The following COL26A1 variants were observed in gnomAD, a reference collection of about 807,000 sequenced individuals.
The protein encoded by COL26A1 is collagen type XXVI alpha 1 chain.
COL26A1 carries 41 observed loss-of-function variants against 59.3 expected under a neutral mutation model. That is an observed-to-expected ratio of 0.69 (90% CI 0.54 to 0.90). COL26A1 has a LOEUF of 0.90. Among genes scored for constraint, COL26A1 ranks in the 40% least tolerant of loss-of-function variants. COL26A1 has a pLI of 0.00. For missense variants in COL26A1, 612 were observed against 602.3 expected (o/e 1.02, Z -0.17); for synonymous variants, 266 against 256.0 (o/e 1.04, Z -0.37).
chr7:101,455,170 G>A (rs1793439980), intron 3 of COL26A1, among the ~76,000 whole-genome samples: 1 of 150,970 alleles, frequency 6.6e-6, no homozygotes, highest in African/African-American at 2.4e-5. Flanking sequence ...AGCCTCCCAA[G>A]TAGCTGGGAC....
intron 3 of COL26A1, among the ~76,000 whole-genome samples, chr7:101,470,381 A>AC (rs1793867702): frequency 6.6e-6 from 1 of 151,970 alleles, no homozygotes; most frequent in Non-Finnish European, 1.5e-5. Flanking sequence ...GGCATGAGCC[A>AC]CCACGCCCAG....
At chr7:101,384,499 A>G (rs1791523492) in intron 1 of COL26A1, among the ~76,000 whole-genome samples, 1 of 152,054 alleles carries the variant, frequency 6.6e-6, no homozygotes, top group South Asian at 2.1e-4. Flanking sequence ...AAGTGCTGGG[A>G]TTACAGACAT....
At chr7:101,524,274 GAA>G (rs112209193) in intron 3 of COL26A1, among the ~76,000 whole-genome samples, 2,735 of 122,320 alleles carry the variant, frequency 0.022, 29 homozygotes, top group Middle Eastern at 0.07. Context: ...CTGTCTCAAA[GAA>G]AAAAAAAAAA....
chr7:101,388,910 C>A (rs1424388460), intron 1 of COL26A1: 2 of 200,864 alleles, frequency 1.0e-5, no homozygotes, highest in East Asian at 2.5e-4. Flanking sequence ...AGTAGCTCCT[C>A]TTGTACATTG....
At chr7:101,496,990 C>A (rs1372427023) in intron 3 of COL26A1, among the ~76,000 whole-genome samples, 1 of 152,036 alleles carries the variant, frequency 6.6e-6, no homozygotes, top group African/African-American at 2.4e-5. Context: ...GTAATCCCAG[C>A]ATTTTGGGAG....
chr7:101,511,525 G>A (rs1794926010), intron 3 of COL26A1, among the ~76,000 whole-genome samples: 1 of 152,242 alleles, frequency 6.6e-6, no homozygotes, highest in Non-Finnish European at 1.5e-5. Flanking sequence ...GCTCTAGGCT[G>A]AAGGCAGACA....
chr7:101,475,277 GTCCTC>G (rs756351809), intron 3 of COL26A1, among the ~76,000 whole-genome samples: 14,853 of 152,010 alleles, frequency 0.098, 1,589 homozygotes, highest in African/African-American at 0.26. Context: ...GTGTCCCTGT[GTCCTC>G]AGAGACAAGG....
chr7:101,385,805 C>T (rs954356109), intron 1 of COL26A1, among the ~76,000 whole-genome samples: 8 of 151,376 alleles, frequency 5.3e-5, no homozygotes, highest in Admixed American at 2.0e-4. Context: ...CCCAGGTTCA[C>T]GCCATTCTCC....
intron 2 of COL26A1, among the ~76,000 whole-genome samples, chr7:101,424,585 A>G (rs911980142): frequency 1.3e-5 from 2 of 152,144 alleles, no homozygotes; most frequent in African/African-American, 4.8e-5. Context: ...GTGACAGAGC[A>G]AGTCTCCGTC....
intron 3 of COL26A1, among the ~76,000 whole-genome samples, chr7:101,493,203 C>T (rs1376097846): frequency 2.0e-5 from 3 of 152,106 alleles, no homozygotes; most frequent in East Asian, 1.9e-4. Flanking sequence ...GAAGCTAGGA[C>T]GGACCAGGCT....
intron 7 of COL26A1, 88 bp downstream of exon 7, chr7:101,545,578 T>C (rs1795719593): frequency 7.2e-7 from 1 of 1,384,284 alleles, no homozygotes; most frequent in African/African-American, 1.5e-5. Context: ...TCCTGGGAAG[T>C]GGACCCCACC....
At chr7:101,399,113 T>A (rs1052893056) in intron 1 of COL26A1, among the ~76,000 whole-genome samples, 2 of 151,970 alleles carry the variant, frequency 1.3e-5, no homozygotes, top group African/African-American at 2.4e-5. Flanking sequence ...CAGACCAACC[T>A]GGGCAATATA....
In COL26A1 at chr7:101,447,969, C is replaced by T. The variant is rs536840570; in HGVS notation, c.385+182C>T. ...GCCTGGCCAAACCAGGATGAAGCTG[C>T]CCGCCCTGCCCGTGGGCACCGAGGC... On this transcript the variant is annotated intron_variant, in intron 3 of 12. Transcript: ENST00000313669. 8.6e-4 allele frequency among the ~76,000 whole-genome samples: 131 copies of T among 152,336 alleles called. 1 individual carries two copies. Among genetic ancestry groups the T allele is most frequent in the African/African-American group, 3.0e-3 (123 of 41,594 alleles).
At chr7:101,427,190 G>A (rs779708939) in intron 2 of COL26A1, among the ~76,000 whole-genome samples, 5 of 152,144 alleles carry the variant, frequency 3.3e-5, no homozygotes, top group African/African-American at 7.2e-5. Flanking sequence ...TCCCAACTGG[G>A]TGCCATGATG....
chr7:101,386,514 C>T (rs1791581004), intron 1 of COL26A1, among the ~76,000 whole-genome samples: 1 of 152,182 alleles, frequency 6.6e-6, no homozygotes, highest in Admixed American at 6.5e-5. Context: ...GCTTTGTTCT[C>T]GTTTCACGCA....
At chr7:101,380,292 ATTT>A (rs34990402) in intron 1 of COL26A1, among the ~76,000 whole-genome samples, 14 of 115,876 alleles carry the variant, frequency 1.2e-4, no homozygotes, top group Admixed American at 1.9e-4. Flanking sequence ...ACCCAGCTAC[ATTT>A]TTTTTTTTTT....
chr7:101,535,121 C>T lies in COL26A1; in HGVS notation c.447+1978C>T, dbSNP rs538392959. 9.3e-4 allele frequency among the ~76,000 whole-genome samples: 142 copies of T among 152,296 alleles called. 1 individual carries two copies. The highest frequency in any genetic ancestry group is 1.7e-3 in the Non-Finnish European group (117 of 68,008). ...GGGCGGGCAGGGTCTCCCAGCAGCC[C>T]AGGCCCCTGGGCACAGGCCTGGGAT... On this transcript the variant is annotated intron_variant, in intron 4 of 12. Coordinates refer to ENST00000313669, the MANE Select transcript of COL26A1 (RefSeq NM_001278563.3).
chr7:101,410,372 T>G (rs917714811), intron 1 of COL26A1, among the ~76,000 whole-genome samples: 1 of 152,202 alleles, frequency 6.6e-6, no homozygotes, highest in Admixed American at 6.5e-5. Flanking sequence ...CGTACCTGCA[T>G]CTTAGCAACT....
chr7:101,459,322 C>T (rs961027785), intron 3 of COL26A1, among the ~76,000 whole-genome samples: 71 of 152,030 alleles, frequency 4.7e-4, no homozygotes, highest in African/African-American at 1.6e-3. Context: ...TTTTTTGAGA[C>T]GGAGTCTCGC....
Sources: gnomAD v4.1 joint callset for allele counts (sites outside exome capture counted in the v4.1 genomes callset) on GRCh38, gnomAD v4.1.1 for gene constraint, MANE v1.5 for transcripts, NCBI Gene and HGNC (gene_info 2026-07-23, HGNC 2026-07-21) for gene names.